Variants in HM13 observed in about 807,000 individuals in gnomAD.
HM13 encodes the protein signal peptide peptidase.
A neutral mutation model predicts 50.0 loss-of-function variants in HM13; 18 were observed. That is an observed-to-expected ratio of 0.36 (90% CI 0.25 to 0.53). The LOEUF (loss-of-function observed/expected upper bound fraction) is 0.53. HM13 is among the 20% of genes least tolerant of loss of function. HM13 has a pLI of 0.90. For missense variants in HM13, 393 were observed against 552.4 expected, an observed-to-expected ratio of 0.71 and a Z score of 2.89; for synonymous variants, 197 against 232.6, an observed-to-expected ratio of 0.85 and a Z score of 1.39.
chr20:31,529,536 C>T (rs1982687992), intron 2 of HM13, among the ~76,000 whole-genome samples: 1 of 152,182 alleles, frequency 6.6e-6, no homozygotes, highest in African/African-American at 2.4e-5. Flanking sequence ...TGAGCCACCA[C>T]ACCTGGCCCC....
chr20:31,543,665 C>T (rs556048085), intron 3 of HM13, among the ~76,000 whole-genome samples: 5 of 151,836 alleles, frequency 3.3e-5, no homozygotes, highest in Non-Finnish European at 5.9e-5. Flanking sequence ...GGCGCGGTGG[C>T]TTACGCCTGT....
At chr20:31,538,829 T>G (rs927851223) in intron 3 of HM13, 6 of 234,806 alleles carry the variant, frequency 2.6e-5, no homozygotes, top group African/African-American at 4.6e-5. Flanking sequence ...TGGGGTCATG[T>G]GGAAAGCTTT....
chr20:31,526,152 C>T (rs1220302327), intron 1 of HM13, among the ~76,000 whole-genome samples: 2 of 142,266 alleles, frequency 1.4e-5, no homozygotes, highest in African/African-American at 6.0e-5. Context: ...GAAAGTTCGT[C>T]ATAAATCCTT....
At chr20:31,552,851 C>T (rs1984101911) in intron 7 of HM13, among the ~76,000 whole-genome samples, 1 of 152,156 alleles carries the variant, frequency 6.6e-6, no homozygotes, top group Non-Finnish European at 1.5e-5. Flanking sequence ...TAGGGAAGCA[C>T]AAGCTTATTC....
chr20:31,543,806 T>C (rs1364945176), intron 3 of HM13, among the ~76,000 whole-genome samples: 1 of 151,544 alleles, frequency 6.6e-6, no homozygotes, highest in Non-Finnish European at 1.5e-5. Context: ...TGGTGGCGGG[T>C]GCCTATAGTC....
In HM13 at chr20:31,549,068, G is replaced by A. The variant is rs751453148; in HGVS notation, c.494G>A (p.Cys165Tyr). 7.4e-6 allele frequency: 12 copies of A among 1,614,014 alleles called. No homozygotes were observed. Among genetic ancestry groups the A allele is most frequent in the African/African-American group, 2.7e-5 (2 of 74,910 alleles). The change falls in exon 5 of 13, where the codon TGC (cysteine) becomes TAC (tyrosine). Residue 165 changes from cysteine (C) to tyrosine (Y), a missense_variant. By Grantham distance (194) the Cys-to-Tyr change is radical. Around this residue, in one of 3 missense-constraint regions of HM13, gnomAD observed 214 missense variants for 276.1 expected, o/e 0.77. Coordinates refer to ENST00000398174, the MANE Select transcript of HM13 (RefSeq NM_178581.3). ...GAATTTGACACCAAGGACCTGGTGT[G>A]CCTGGGCCTGAGCAGCATCGTTGGC... ...NYEFDTKDLV[C>Y]LGLSSIVGVW...
chr20:31,538,924 T>C (rs1261208666), intron 3 of HM13: 1 of 285,398 alleles, frequency 3.5e-6, no homozygotes, highest in East Asian at 1.7e-4. Context: ...GACAACCTTA[T>C]ATGGGTTGCT....
chr20:31,536,660 G>A (rs2055199666), intron 2 of HM13, among the ~76,000 whole-genome samples: 2 of 152,058 alleles, frequency 1.3e-5, no homozygotes, highest in Non-Finnish European at 2.9e-5. Flanking sequence ...TCCTGACACT[G>A]TCCCCATGCT....
intron 3 of HM13, among the ~76,000 whole-genome samples, chr20:31,542,020 T>A (rs1383354890): frequency 1.3e-5 from 2 of 152,220 alleles, no homozygotes; most frequent in South Asian, 4.1e-4. Context: ...GCTGGCCACC[T>A]CCTGCCATTG....
chr20:31,518,921 T>TA (rs1266121025), intron 1 of HM13, among the ~76,000 whole-genome samples: 1 of 151,812 alleles, frequency 6.6e-6, no homozygotes, highest in African/African-American at 2.4e-5. Context: ...GGGTAGGTAA[T>TA]ACATGCCCAT....
intron 2 of HM13, among the ~76,000 whole-genome samples, chr20:31,528,523 G>A (rs1211627011): frequency 6.6e-6 from 1 of 152,194 alleles, no homozygotes; most frequent in Non-Finnish European, 1.5e-5. Context: ...CTGTCACCCA[G>A]GCTGGAGTGC....
intron 1 of HM13, 31 bp from the exon 2 acceptor site, chr20:31,527,453 G>A (rs1331460848): frequency 6.7e-7 from 1 of 1,497,728 alleles, no homozygotes; most frequent in Admixed American, 1.7e-5. Flanking sequence ...AACCAGCCGT[G>A]CTGAGCCATT....
chr20:31,519,226 C>G (rs1268958991), intron 1 of HM13, among the ~76,000 whole-genome samples: 3 of 152,166 alleles, frequency 2.0e-5, no homozygotes, highest in Admixed American at 6.5e-5. Flanking sequence ...CTCAGCCTCC[C>G]GAGTAGCTGG....
rs915882888 is a variant in HM13, at chr20:31,514,469, C to T, written c.-83C>T. The T allele has an allele frequency of 6.8e-7, 1 of 1,462,472 alleles. No individual in the cohort carries two copies. Among genetic ancestry groups the T allele is most frequent in the South Asian group, 1.3e-5 (1 of 78,160 alleles). The allele number at this position is 1,462,472 out of a possible 1,614,324, so 90.6% of individuals were successfully genotyped here. ...TTCCTGTTGCCTTAGGGGAACGTGG[C>T]TTTCCCTGCAGAGCCGGTGTCTCCG... On this transcript the variant is annotated 5_prime_UTR_variant, in exon 1 of 13. Transcript: ENST00000398174. The surrounding 1 kb of genome is among the most constrained non-coding windows in gnomAD (Gnocchi z 4.3).
intron 1 of HM13, among the ~76,000 whole-genome samples, chr20:31,520,397 A>G (rs776257314): frequency 6.6e-6 from 1 of 152,090 alleles, no homozygotes; most frequent in Non-Finnish European, 1.5e-5. Flanking sequence ...TCCGCCTGCC[A>G]GGTACAAACA....
At chr20:31,558,566 G>T (rs1984441230) in intron 8 of HM13, among the ~76,000 whole-genome samples, 3 of 152,080 alleles carry the variant, frequency 2.0e-5, no homozygotes, top group African/African-American at 7.2e-5. Context: ...CTGGCGTGTG[G>T]CATTTCCAAG....
At chr20:31,561,998 CT>C (rs1211909288) in intron 10 of HM13, among the ~76,000 whole-genome samples, 1 of 152,188 alleles carries the variant, frequency 6.6e-6, no homozygotes, top group African/African-American at 2.4e-5. Flanking sequence ...AAGGCAGGAA[CT>C]TTCCCAGAAC....
intron 3 of HM13, chr20:31,538,550 C>T: frequency 9.6e-6 from 13 of 1,358,740 alleles, no homozygotes; most frequent in Non-Finnish European, 1.2e-5. Context: ...TGTGACAGTA[C>T]TCAGGTGAGT....
rs745486041 is a variant in HM13 at position 31,549,014 on chromosome 20, G to A, written c.455-15G>A. Reference sequence around the variant, plus strand: ...CCTGCCTCAGGGAGTGGACTTACCTGGCCTCTCTGCTCAGAGATCATCAAT... The same window carrying A: ...CCTGCCTCAGGGAGTGGACTTACCTAGCCTCTCTGCTCAGAGATCATCAAT... On this transcript the variant is annotated splice_polypyrimidine_tract_variant and intron_variant, in intron 4 of 12. Coordinates refer to ENST00000398174, the MANE Select transcript of HM13 (RefSeq NM_178581.3). 3.1e-6 allele frequency: 5 copies of A among 1,612,864 alleles called. No homozygotes were observed. The highest frequency in any genetic ancestry group is 4.2e-6 in the Non-Finnish European group (5 of 1,178,854).
Sources: allele counts gnomAD v4.1 joint callset (sites outside exome capture counted in the v4.1 genomes callset), GRCh38; gene constraint gnomAD v4.1.1; regional missense constraint gnomAD v4.1.1; non-coding constraint Gnocchi (gnomAD v3.1); transcripts MANE v1.5; gene names NCBI Gene and HGNC (gene_info 2026-07-23, HGNC 2026-07-21).